EML2: variants seen among roughly 807,000 people sequenced by gnomAD.
EML2 encodes the protein EMAP like 2.
In EML2, 59 loss-of-function variants were observed where a neutral mutation model predicts 84.7. The observed-to-expected ratio is 0.70, with a 90% CI of 0.56 to 0.86. The LOEUF (loss-of-function observed/expected upper bound fraction) is 0.86. Among genes scored for constraint, EML2 ranks in the 40% least tolerant of loss-of-function variants. The probability of loss-of-function intolerance (pLI) is 0.00; values close to 1 mark genes in which losing one functional copy is unlikely to be tolerated. For missense variants in EML2, 818 were observed against 855.6 expected (o/e 0.96, Z 0.55); for synonymous variants, 352 against 348.9 (o/e 1.01, Z -0.10).
chr19:45,626,460 G>A (rs1481001872), intron 8 of EML2, among the ~76,000 whole-genome samples: 1 of 141,210 alleles, frequency 7.1e-6, no homozygotes, highest in Non-Finnish European at 1.5e-5. Context: ...TTTGATCACG[G>A]CTCACTGCAG....
chr19:45,637,649 TTTTTTTC>T (rs1254838404), intron 3 of EML2, among the ~76,000 whole-genome samples: 4 of 95,342 alleles, frequency 4.2e-5, no homozygotes, highest in Admixed American at 1.1e-4. Context: ...CTGGCTATTT[TTTTTTTC>T]TTTTTCTTTT....
upstream of EML2, chr19:45,641,869 C>T: frequency 3.4e-6 from 5 of 1,473,654 alleles, no homozygotes; most frequent in Non-Finnish European, 3.6e-6. Context: ...CCACCTCTGT[C>T]TCCCACGAGG....
upstream of EML2, chr19:45,643,832 C>A: frequency 7.4e-7 from 1 of 1,356,478 alleles, no homozygotes; most frequent in South Asian, 1.5e-5. Flanking sequence ...CCTGGACCTG[C>A]AGAGGGAGGT....
chr19:45,621,438 G>A (rs757303992), intron 10 of EML2, 45 bp downstream of exon 10: 2 of 1,591,382 alleles, frequency 1.3e-6, no homozygotes, highest in Non-Finnish European at 1.7e-6. Context: ...GGTGAGATCG[G>A]GGGGGGCCTC....
intron 8 of EML2, among the ~76,000 whole-genome samples, chr19:45,625,531 C>T (rs570040724): frequency 4.6e-5 from 7 of 152,120 alleles, no homozygotes; most frequent in African/African-American, 1.4e-4. Flanking sequence ...CGTGAGCCAC[C>T]GCACCCAGCC....
In EML2 at chr19:45,627,570, C is replaced by A. The variant is rs567993739; in HGVS notation, c.607-731G>T. ...ACGCCTGGCCAGTACCTTTCCTATA[C>A]GGTAAATTAAAGTACAGGAAGCAGG... On this transcript the variant is annotated intron_variant, in intron 7 of 18. Transcript: ENST00000245925. Among the ~76,000 whole-genome samples, 329 of 152,034 alleles carry A rather than the reference C, an allele frequency of 2.2e-3. 2 individuals carry two copies. The highest frequency in any genetic ancestry group is 3.4e-3 in the Non-Finnish European group (233 of 67,974).
At chr19:45,620,404 A>G (rs1311277801) in intron 11 of EML2, among the ~76,000 whole-genome samples, 2 of 152,092 alleles carry the variant, frequency 1.3e-5, no homozygotes. Flanking sequence ...ATTAATAATT[A>G]TAATAGCCAA....
At chr19:45,644,697 A>G (rs571586757), upstream of EML2, 35 of 455,062 alleles carry the variant, frequency 7.7e-5, no homozygotes, top group African/African-American at 5.0e-4. Context: ...CTCTTCTCCT[A>G]TCTCCCCTCA....
At chr19:45,629,889 A>T in intron 7 of EML2, 62 bp downstream of exon 7, 3 of 1,307,374 alleles carry the variant, frequency 2.3e-6, no homozygotes, top group Non-Finnish European at 3.3e-6. Flanking sequence ...ACTCCTAACC[A>T]CTGAGATTGG....
chr19:45,634,666 A>G (rs1269121157), intron 3 of EML2, among the ~76,000 whole-genome samples, 195 bp from the exon 4 acceptor site: 1 of 151,686 alleles, frequency 6.6e-6, no homozygotes, highest in East Asian at 1.9e-4. Context: ...GGTTCATGCC[A>G]TTCTCCTGCC....
upstream of EML2, among the ~76,000 whole-genome samples, chr19:45,643,890 C>T (rs1033011854): frequency 2.0e-5 from 3 of 152,178 alleles, no homozygotes; most frequent in Non-Finnish European, 4.4e-5. Flanking sequence ...ACTTAGAACT[C>T]GTAACAGGGG....
At chr19:45,634,285 C>T (rs1276833234) in intron 4 of EML2, 37 bp downstream of exon 4, 1 of 1,611,382 alleles carries the variant, frequency 6.2e-7, no homozygotes, top group East Asian at 2.2e-5. Context: ...CATCTCCAGC[C>T]ACAGCTCCCT....
At chr19:45,615,681 T>C in intron 16 of EML2, 121 bp downstream of exon 16, 1 of 865,356 alleles carries the variant, frequency 1.2e-6, no homozygotes, top group Non-Finnish European at 1.9e-6. Flanking sequence ...AAATTCCAAA[T>C]CAGAACCAGC....
chr19:45,639,919 G>A (rs1240732728), upstream of EML2: 1 of 152,170 alleles, frequency 6.6e-6, no homozygotes, highest in African/African-American at 2.4e-5. Context: ...ATTCGAACTC[G>A]GGAGGCAGAG....
chr19:45,636,280 G>C (rs1973714343), intron 3 of EML2, among the ~76,000 whole-genome samples: 3 of 152,026 alleles, frequency 2.0e-5, no homozygotes, highest in Admixed American at 2.0e-4. Context: ...AGCCTGCCTG[G>C]CTAATTAAAA....
upstream of EML2, chr19:45,642,196 G>C (rs1177721098): frequency 2.6e-6 from 4 of 1,533,386 alleles, no homozygotes; most frequent in African/African-American, 5.5e-5. Flanking sequence ...CGCGCGTAGC[G>C]CCGCTCCCTG....
At chr19:45,626,549 T>C (rs1271367612) in intron 8 of EML2, among the ~76,000 whole-genome samples, 156 bp downstream of exon 8, 2 of 152,004 alleles carry the variant, frequency 1.3e-5, no homozygotes, top group Non-Finnish European at 2.9e-5. Flanking sequence ...ATCATCACCA[T>C]GGTATGGAGA....
chr19:45,639,990 G>A (rs545823795), upstream of EML2: 2 of 133,550 alleles, frequency 1.5e-5, no homozygotes, highest in African/African-American at 2.7e-5. Context: ...ACAAGACTCC[G>A]TCTCAAAATA....
At chr19:45,624,598 GT>G in intron 9 of EML2, 120 bp downstream of exon 9, 1 of 697,238 alleles carries the variant, frequency 1.4e-6, no homozygotes, top group Non-Finnish European at 2.5e-6. Context: ...CTTGACGAGG[GT>G]GTTGGAATCG....
Sources: gnomAD v4.1 joint callset for allele counts (sites outside exome capture counted in the v4.1 genomes callset) on GRCh38, gnomAD v4.1.1 for gene constraint, MANE v1.5 for transcripts, NCBI Gene and HGNC (gene_info 2026-07-23, HGNC 2026-07-21) for gene names.